UPK1A: variants seen among roughly 807,000 people sequenced by gnomAD.
UPK1A encodes the protein uroplakin 1A, also known as uroplakin-1a.
Under a neutral mutation model 32.3 loss-of-function variants are expected in UPK1A, and 31 were observed. The ratio of observed to expected loss-of-function variants is 0.96; its 90% CI spans 0.72 to 1.30. The LOEUF (loss-of-function observed/expected upper bound fraction) is 1.30, where lower values mean the gene tolerates loss of function less well. UPK1A is among the 50% of genes most tolerant of loss of function. The pLI is 0.00. For missense variants in UPK1A, 340 were observed against 357.4 expected (o/e 0.95, Z 0.39); for synonymous variants, 135 against 137.1 (o/e 0.98, Z 0.11).
At chr19:35,669,799 G>A (rs904228007) in intron 3 of UPK1A, among the ~76,000 whole-genome samples, 6 of 152,222 alleles carry the variant, frequency 3.9e-5, no homozygotes, top group African/African-American at 1.2e-4. Context: ...CAGGTGACCA[G>A]GAGAGCAGGG....
At chr19:35,677,942 C>T (rs573904384) in intron 7 of UPK1A, 33 bp from the exon 8 acceptor site, 1 of 1,579,910 alleles carries the variant, frequency 6.3e-7, no homozygotes, top group Admixed American at 1.8e-5. Flanking sequence ...GGGTGGGGGG[C>T]GGAGTGCCCT....
chr19:35,668,557 G>A, exon 3 of UPK1A: 4 of 1,614,170 alleles, frequency 2.5e-6, no homozygotes, highest in Non-Finnish European at 3.4e-6. Flanking sequence ...GTCTTCGCTG[G>A]TGCCTGGATT....
intron 6 of UPK1A, among the ~76,000 whole-genome samples, chr19:35,676,952 G>A (rs1968190789): frequency 6.6e-6 from 1 of 151,748 alleles, no homozygotes; most frequent in Non-Finnish European, 1.5e-5. Context: ...CTAGGCACGG[G>A]GGCTCACGAC....
intron 5 of UPK1A, among the ~76,000 whole-genome samples, chr19:35,675,075 G>A (rs1017483046): frequency 3.3e-5 from 5 of 151,316 alleles, no homozygotes; most frequent in Non-Finnish European, 7.4e-5. Context: ...AGAAATTGAG[G>A]ACTCAAGGAA....
exon 3 of UPK1A, chr19:35,668,572 T>C: frequency 6.2e-7 from 1 of 1,614,146 alleles, no homozygotes; most frequent in Non-Finnish European, 8.5e-7. Context: ...TGGATTGCCA[T>C]CTTCTGCGGC....
intron 3 of UPK1A, among the ~76,000 whole-genome samples, chr19:35,672,772 G>T (rs938908987): frequency 6.6e-6 from 1 of 152,090 alleles, no homozygotes; most frequent in South Asian, 2.1e-4. Context: ...TAGCGACGGG[G>T]TCTCACTGTG....
At chr19:35,671,458 CTTTT>C (rs34302366) in intron 3 of UPK1A, among the ~76,000 whole-genome samples, 1 of 79,722 alleles carries the variant, frequency 1.3e-5, no homozygotes. Context: ...CCCCAAATTT[CTTTT>C]TTTTTTTTTT....
intron 5 of UPK1A, among the ~76,000 whole-genome samples, chr19:35,675,041 C>CAAAA (rs1174443353): frequency 1.3e-5 from 1 of 78,880 alleles, no homozygotes; most frequent in Non-Finnish European, 2.8e-5. Flanking sequence ...GACTCCGTCT[C>CAAAA]AAAAAAAAAA....
rs1189107586 is a variant in UPK1A at position 35,673,432 on chromosome 19, C to T, written c.361-6C>T. ...GCCGGCCCTTGTTCTTCCCTGTTCT[C>T]CTCAGATGGTGTCCAACCCATCCCT... is the stretch of plus-strand genomic sequence containing the variant. On this transcript the variant is annotated splice_region_variant and splice_polypyrimidine_tract_variant and intron_variant, in intron 4 of 7. Coordinates refer to ENST00000617999, the Ensembl canonical transcript of UPK1A. The T allele has an allele frequency of 2.5e-6, 4 of 1,613,564 alleles. No individual in the cohort carries two copies. Among genetic ancestry groups the T allele is most frequent in the Non-Finnish European group, 3.4e-6 (4 of 1,179,770 alleles).
chr19:35,667,105 A>G (rs1265884386), intron 2 of UPK1A, among the ~76,000 whole-genome samples: 1 of 152,044 alleles, frequency 6.6e-6, no homozygotes, highest in South Asian at 2.1e-4. Flanking sequence ...TTCCTCATCT[A>G]TAGACTGTGT....
At chr19:35,671,835 G>C (rs1291063049) in intron 3 of UPK1A, among the ~76,000 whole-genome samples, 1 of 152,000 alleles carries the variant, frequency 6.6e-6, no homozygotes, top group Admixed American at 6.6e-5. Flanking sequence ...CCTCTCACCT[G>C]ATTTCAACAA....
At chr19:35,675,720 TG>T in intron 5 of UPK1A, 119 bp from the exon 6 acceptor site, 2 of 1,181,798 alleles carry the variant, frequency 1.7e-6, no homozygotes, top group Non-Finnish European at 1.2e-6. Context: ...GCCCAGGACA[TG>T]GGGAAGTTGG....
At chr19:35,666,857 TGTG>T (rs1968006091) in exon 2 of UPK1A, 5 of 1,613,858 alleles carry the variant, frequency 3.1e-6, no homozygotes, top group Non-Finnish European at 1.7e-6. Flanking sequence ...GATCTCCAGT[TGTG>T]GTGGGCCTGC....
At chr19:35,668,786 A>T (rs1451352068) in intron 3 of UPK1A, 132 bp downstream of exon 3, 6 of 1,029,880 alleles carry the variant, frequency 5.8e-6, no homozygotes, top group African/African-American at 3.2e-5. Context: ...CCCAGGCATC[A>T]TCTCATTCAG....
exon 5 of UPK1A, chr19:35,673,531 C>G: frequency 6.2e-7 from 1 of 1,613,446 alleles, no homozygotes; most frequent in South Asian, 1.1e-5. Context: ...CCTCTGGGAC[C>G]GCGTCATGAT....
chr19:35,676,258 T>C (rs1370452465), intron 6 of UPK1A: 1 of 656,114 alleles, frequency 1.5e-6, no homozygotes, highest in Admixed American at 2.3e-5. Context: ...TGGCACAATC[T>C]CAGCTCACTG....
chr19:35,673,362 C>A, intron 4 of UPK1A, 56 bp downstream of exon 4: 1 of 1,611,654 alleles, frequency 6.2e-7, no homozygotes, highest in Admixed American at 1.7e-5. Flanking sequence ...GGCGAGGGTC[C>A]CGGCGCGGCG....
exon 8 of UPK1A, chr19:35,678,122 C>T (rs141437789): frequency 3.9e-5 from 54 of 1,368,400 alleles, no homozygotes; most frequent in African/African-American, 7.3e-5. Context: ...CACCTCCCAA[C>T]GTCCCTAGCC....
chr19:35,671,472 T>C (rs1968098990), intron 3 of UPK1A, among the ~76,000 whole-genome samples: 1 of 143,056 alleles, frequency 7.0e-6, no homozygotes, highest in African/African-American at 2.6e-5. Flanking sequence ...TTTTTTTTTT[T>C]TTTGAGACGG....
Sources: gnomAD v4.1 joint callset for allele counts (sites outside exome capture counted in the v4.1 genomes callset) on GRCh38, gnomAD v4.1.1 for gene constraint, MANE v1.5 for transcripts, NCBI Gene and HGNC (gene_info 2026-07-23, HGNC 2026-07-21) for gene names.